SPATS1: variants seen among roughly 807,000 people sequenced by gnomAD.
The protein encoded by SPATS1 is spermatogenesis associated serine rich 1, also known as spermatogenesis-associated serine-rich protein 1.
SPATS1 carries 23 observed loss-of-function variants against 33.6 expected under a neutral mutation model. The observed-to-expected ratio is 0.68, with a 90% CI of 0.49 to 0.97. The LOEUF (loss-of-function observed/expected upper bound fraction) is 0.97, where lower values mean the gene tolerates loss of function less well. SPATS1 is among the 50% of genes least tolerant of loss of function. SPATS1 has a pLI of 0.00. For missense variants in SPATS1, 327 were observed against 361.0 expected, an observed-to-expected ratio of 0.91 and a Z score of 0.76; for synonymous variants, 131 against 125.6, an observed-to-expected ratio of 1.04 and a Z score of -0.29.
chr6:44,363,135 C>A (rs1359187398), intron 5 of SPATS1, among the ~76,000 whole-genome samples: 1 of 110,010 alleles, frequency 9.1e-6, no homozygotes, highest in Non-Finnish European at 2.2e-5. Context: ...CCGTGCCCAG[C>A]ACTTTTTTTT....
intron 3 of SPATS1, among the ~76,000 whole-genome samples, chr6:44,353,984 G>A (rs1788400301): frequency 6.8e-6 from 1 of 146,384 alleles, no homozygotes; most frequent in Non-Finnish European, 1.5e-5. Context: ...CTTGCAGTGA[G>A]CCGAGATCGC....
intron 6 of SPATS1, among the ~76,000 whole-genome samples, chr6:44,368,960 C>G (rs546351901): frequency 4.7e-5 from 7 of 149,860 alleles, no homozygotes; most frequent in South Asian, 2.1e-4. Flanking sequence ...GCAGTGGTGC[C>G]ATCTCAGCTC....
chr6:44,349,241 G>A (rs1222831812), intron 2 of SPATS1, among the ~76,000 whole-genome samples: 2 of 142,462 alleles, frequency 1.4e-5, no homozygotes, highest in South Asian at 2.3e-4. Flanking sequence ...GGAGGTTGCA[G>A]TGAGCCGAGA....
intron 2 of SPATS1, chr6:44,343,436 G>A (rs1230068619): frequency 1.5e-6 from 1 of 681,262 alleles, no homozygotes; most frequent in Non-Finnish European, 2.7e-6. Flanking sequence ...CCAAAGCAGA[G>A]AGTCTCATAA....
intron 2 of SPATS1, among the ~76,000 whole-genome samples, chr6:44,347,065 T>C (rs1787936781): frequency 6.6e-6 from 1 of 152,222 alleles, no homozygotes; most frequent in Admixed American, 6.5e-5. Context: ...TGAGTTCATG[T>C]CCTTTGCAGG....
intron 5 of SPATS1, 25 bp from the exon 6 acceptor site, chr6:44,368,354 T>C: frequency 6.2e-7 from 1 of 1,609,532 alleles, no homozygotes; most frequent in Non-Finnish European, 8.5e-7. Flanking sequence ...CCTTGTATGA[T>C]TTTGTTTTCA....
rs1790037275 is a variant in SPATS1 at position 44,377,780 on chromosome 6, G to A, written c.*717G>A. ...GCTGTGTCCTCATATGATAGAAAGG[G>A]TGAGCTAGTCCTCTGGGGTCTCTTT... On this transcript the variant is annotated 3_prime_UTR_variant, in exon 9 of 9. Transcript: ENST00000674044. 1 of 152,506 alleles carries A rather than the reference G, an allele frequency of 6.6e-6. No individual in the cohort carries two copies. Among genetic ancestry groups the A allele is most frequent in the Admixed American group, 6.5e-5 (1 of 15,288 alleles). 9.4% of individuals were successfully genotyped at this position (152,506 alleles called of 1,614,324 possible). A position where few individuals can be genotyped will look rare whatever the true frequency, so the allele number is the denominator to read the frequency against.
intron 7 of SPATS1, among the ~76,000 whole-genome samples, chr6:44,374,186 A>G (rs1031486036): frequency 6.6e-6 from 1 of 152,202 alleles, no homozygotes; most frequent in African/African-American, 2.4e-5. Context: ...CTTGAAAAGA[A>G]AGTGTATTCC....
In SPATS1 at chr6:44,360,533, A is replaced by G. The variant is rs1226191353; in HGVS notation, c.375A>G (p.Lys125=). 1 of 1,614,200 alleles carries G rather than the reference A, an allele frequency of 6.2e-7. No homozygotes were observed. Among genetic ancestry groups the G allele is most frequent in the Admixed American group, 1.7e-5 (1 of 60,026 alleles). ...CGTTGCCTGAAGTCCAAAAGGATAA[A>G]TATCCTGAGGAATTCAGCCTGCTTA... ...EMSLPEVQKD[K]YPEEFSLLKL... The change falls in exon 4 of 9, where the codon AAA becomes AAG. Residue 125 remains lysine (K), a synonymous_variant. Transcript: ENST00000674044.
At chr6:44,344,490 C>T (rs972118823) in intron 2 of SPATS1, among the ~76,000 whole-genome samples, 8 of 150,976 alleles carry the variant, frequency 5.3e-5, no homozygotes, top group Middle Eastern at 3.4e-3. Context: ...AATCAAAAAA[C>T]GGGTTAAAAA....
intron 6 of SPATS1, 94 bp from the exon 7 acceptor site, chr6:44,369,957 C>T (rs777865973): frequency 1.1e-5 from 8 of 752,266 alleles, no homozygotes; most frequent in African/African-American, 5.4e-5. Flanking sequence ...AAATTAAAAT[C>T]GGAAAACAGG....
At position 44,349,191 on chromosome 6, in the gene SPATS1, C is replaced by T. The variant is rs566359166; in HGVS notation, c.140-3535C>T. Among the ~76,000 whole-genome samples the T allele has an allele frequency of 4.2e-3, 601 of 144,168 alleles. 1 individual carries two copies. Among genetic ancestry groups the T allele is most frequent in the Non-Finnish European group, 7.1e-3 (471 of 66,742 alleles). The allele number at this position is 144,168 out of a possible 152,430, so 94.6% of individuals were successfully genotyped here. A position where few individuals can be genotyped will look rare whatever the true frequency, so the allele number is the denominator to read the frequency against. ...GCATGCACCTGTAATCCCAGCTACT[C>T]GGGAGGCTGAGGCAGGAGAATTGCT... On this transcript the variant is annotated intron_variant, in intron 2 of 8. Coordinates refer to ENST00000674044, the MANE Select transcript of SPATS1 (RefSeq NM_001372081.1).
intron 7 of SPATS1, among the ~76,000 whole-genome samples, chr6:44,375,141 G>T (rs905690260): frequency 6.6e-6 from 1 of 152,184 alleles, no homozygotes; most frequent in Non-Finnish European, 1.5e-5. Context: ...CTGGGTATCT[G>T]CATTAGCCAA....
At chr6:44,372,576 C>T (rs1396533548) in intron 7 of SPATS1, among the ~76,000 whole-genome samples, 1 of 152,082 alleles carries the variant, frequency 6.6e-6, no homozygotes. Context: ...ATTCTCCTGC[C>T]TCAGCCTCCC....
At chr6:44,360,214 T>C (rs1012763471) in intron 3 of SPATS1, among the ~76,000 whole-genome samples, 2 of 152,246 alleles carry the variant, frequency 1.3e-5, no homozygotes, top group Non-Finnish European at 2.9e-5. Flanking sequence ...GTGATCCACC[T>C]GTCTCAGCCT....
chr6:44,349,833 T>C (rs1394798630), intron 2 of SPATS1, among the ~76,000 whole-genome samples: 2 of 152,206 alleles, frequency 1.3e-5, no homozygotes, highest in African/African-American at 4.8e-5. Flanking sequence ...GTGGTTTGAG[T>C]TTCCAAGCTT....
intron 4 of SPATS1, 137 bp downstream of exon 4, chr6:44,360,707 C>A: frequency 9.2e-7 from 1 of 1,086,502 alleles, no homozygotes; most frequent in Non-Finnish European, 1.3e-6. Context: ...CACAAAACCT[C>A]TGCCAGGAAG....
intron 7 of SPATS1, among the ~76,000 whole-genome samples, chr6:44,370,887 T>C (rs1438878983): frequency 6.6e-6 from 1 of 152,194 alleles, no homozygotes; most frequent in African/African-American, 2.4e-5. Context: ...CTCTACTATT[T>C]TAGCTTTTGT....
At chr6:44,354,819 T>TTTTA (rs1282888828) in intron 3 of SPATS1, among the ~76,000 whole-genome samples, 2 of 152,072 alleles carry the variant, frequency 1.3e-5, no homozygotes, top group South Asian at 4.1e-4. Context: ...GCTTCTCTAT[T>TTTTA]TTTATTTATT....
Sources: gnomAD v4.1 joint callset for allele counts (sites outside exome capture counted in the v4.1 genomes callset) on GRCh38, gnomAD v4.1.1 for gene constraint, MANE v1.5 for transcripts, NCBI Gene and HGNC (gene_info 2026-07-23, HGNC 2026-07-21) for gene names.